The following FKBP10 variants were observed in gnomAD, a reference collection of about 807,000 sequenced individuals.
FKBP10 encodes the protein FKBP prolyl isomerase 10.
Under a neutral mutation model 53.7 loss-of-function variants are expected in FKBP10, and 34 were observed. That is an observed-to-expected ratio of 0.63 (90% confidence interval 0.48 to 0.84). FKBP10 has a LOEUF of 0.84. FKBP10 is among the 40% of genes least tolerant of loss of function. The probability of loss-of-function intolerance (pLI) is 0.00; values close to 1 mark genes in which losing one functional copy is unlikely to be tolerated. For synonymous variants in FKBP10, 324 were observed against 335.7 expected, an observed-to-expected ratio of 0.97 and a Z score of 0.38; for missense variants, 748 against 797.8, an observed-to-expected ratio of 0.94 and a Z score of 0.75.
chr17:41,813,077 C>A lies in FKBP10; in HGVS notation c.43C>A (p.Pro15Thr). The change falls in exon 1 of 10, where the codon CCC (proline) becomes ACC (threonine). Residue 15 changes from proline to threonine, a missense_variant. Pro to Thr is a conservative substitution (Grantham distance 38). Transcript: ENST00000321562. ...GPPSHSLLRL[P>T]LLQLLLLVVQ... ...CCCCAGCCACAGCCTCCTCCGGCTCCCCCTGCTGCAGTTGCTGCTACTGGT... is the reference window on the plus strand; with the variant it reads ...CCCCAGCCACAGCCTCCTCCGGCTCACCCTGCTGCAGTTGCTGCTACTGGT... The A allele has an allele frequency of 6.2e-7, 1 of 1,610,718 alleles. No homozygotes were observed. The highest frequency in any genetic ancestry group is 1.1e-5 in the South Asian group (1 of 91,010).
intron 4 of FKBP10, chr17:41,818,768 C>A: frequency 1.9e-6 from 1 of 519,100 alleles, no homozygotes; most frequent in East Asian, 3.7e-5. Context: ...GAGATCGAGA[C>A]CACGGTGAAA....
chr17:41,821,732 A>G lies in FKBP10; in HGVS notation c.1478A>G (p.Tyr493Cys). The G allele has an allele frequency of 6.2e-7, 1 of 1,614,066 alleles. No homozygotes were observed. The highest frequency in any genetic ancestry group is 1.1e-5 in the South Asian group (1 of 91,082). Reference sequence around the variant, plus strand: ...CGGGAGGATGGGCTGCCCACAGGCTACCTGTTTGTGTGGCACAAGGACCCT... The same window carrying G: ...CGGGAGGATGGGCTGCCCACAGGCTGCCTGTTTGTGTGGCACAAGGACCCT... ...VSREDGLPTG[Y>C]LFVWHKDPPA... Residue 493 changes from tyrosine to cysteine, a missense_variant, in exon 9 of 10, where the codon TAC becomes TGC. Transcript: ENST00000321562.
At chr17:41,821,954 C>T in intron 9 of FKBP10, 137 bp downstream of exon 9, 1 of 1,096,200 alleles carries the variant, frequency 9.1e-7, no homozygotes, top group Admixed American at 2.0e-5. Context: ...ACGCCTCAGG[C>T]TCCTTGTCCC....
At position 41,820,360 on chromosome 17, in the gene FKBP10, G is replaced by C. The variant is rs1555616829; in HGVS notation, c.1155G>C (p.Leu385=). Residue 385 remains leucine, a synonymous_variant, in exon 7 of 10, where the codon CTG becomes CTC. Transcript: ENST00000321562. ...CGGATGTGGTGGAAATCAGGACACT[G>C]TCCCGGCCATCTGAGACCTGCAATG... ...NPADVVEIRT[L]SRPSETCNET... 6.2e-7 allele frequency: 1 copy of C among 1,614,214 alleles called. No individual in the cohort carries two copies. The highest frequency in any genetic ancestry group is 8.5e-7 in the Non-Finnish European group (1 of 1,180,044).
At chr17:41,821,957 C>CT in intron 9 of FKBP10, 140 bp downstream of exon 9, 1 of 1,068,002 alleles carries the variant, frequency 9.4e-7, no homozygotes, top group Non-Finnish European at 1.4e-6. Context: ...CCTCAGGCTC[C>CT]TTGTCCCTGC....
At position 41,821,768 on chromosome 17, in the gene FKBP10, T is replaced by C. The variant is rs1555617175; in HGVS notation, c.1514T>C (p.Leu505Pro). The part of the protein sequence containing the change: ...FVWHKDPPAN[L>P]FEDMDLNKDG... Reference sequence around the variant, plus strand: ...TGGCACAAGGACCCTCCTGCCAACCTGTTTGAAGACATGGACCTCAACAAG... The same window carrying C: ...TGGCACAAGGACCCTCCTGCCAACCCGTTTGAAGACATGGACCTCAACAAG... The change falls in exon 9 of 10, where the codon CTG (leucine) becomes CCG (proline). Residue 505 changes from leucine to proline, a missense_variant. Leu to Pro is a moderately conservative substitution (Grantham distance 98, BLOSUM62 -3). Transcript: ENST00000321562. 1 of 1,614,110 alleles carries C rather than the reference T, an allele frequency of 6.2e-7. No individual in the cohort carries two copies. Among genetic ancestry groups the C allele is most frequent in the East Asian group, 2.2e-5 (1 of 44,868 alleles).
intron 1 of FKBP10, among the ~76,000 whole-genome samples, chr17:41,815,809 C>A (rs2047809028): frequency 6.6e-6 from 1 of 151,678 alleles, no homozygotes; most frequent in Admixed American, 6.6e-5. Flanking sequence ...AATCTCCCAT[C>A]CTCACTTTAC....
rs545186456 is a variant in FKBP10, at chr17:41,813,054, C to G, written c.20C>G (p.Pro7Arg). The change falls in exon 1 of 10, where the codon CCC becomes CGC. Residue 7 changes from proline (P) to arginine (R), a missense_variant. By Grantham distance (103) the Pro-to-Arg change is moderately radical. Transcript: ENST00000321562. ...GGCACCATGTTCCCCGCGGGCCCCC[C>G]CAGCCACAGCCTCCTCCGGCTCCCC... is the stretch of plus-strand genomic sequence containing the variant. MFPAGP[P>R]SHSLLRLPLL... 3.7e-6 allele frequency: 6 copies of G among 1,610,266 alleles called. No individual in the cohort carries two copies. In the South Asian group the frequency reaches 4.4e-5, roughly 12 times the overall value.
chr17:41,813,774 T>C (rs1555615781), intron 1 of FKBP10, among the ~76,000 whole-genome samples: 2 of 152,008 alleles, frequency 1.3e-5, no homozygotes, highest in African/African-American at 4.8e-5. Context: ...TTTCAGCGGC[T>C]GGTGGGCAGG....
In FKBP10 at chr17:41,822,551, C is replaced by T. The variant is rs2047906338; in HGVS notation, c.*143C>T. ...ACTAAAACAATGGCAGAGGAGACAT[C>T]TCTGGTGTTCCCACCACCCTAGATG... On this transcript the variant is annotated 3_prime_UTR_variant, in exon 10 of 10. Transcript: ENST00000321562. The T allele has an allele frequency of 2.3e-6, 2 of 886,860 alleles. No homozygotes were observed. The highest frequency in any genetic ancestry group is 3.6e-6 in the Non-Finnish European group (2 of 558,626). 54.9% of individuals were successfully genotyped at this position (886,860 alleles called of 1,614,324 possible).
In FKBP10 at chr17:41,813,006, C is replaced by G. The variant is rs781957411; in HGVS notation, c.-29C>G. The G allele has an allele frequency of 1.2e-6, 2 of 1,608,634 alleles. No individual in the cohort carries two copies. The highest frequency in any genetic ancestry group is 1.7e-6 in the Non-Finnish European group (2 of 1,179,272). ...TGGTGGCGACTCCCTCGCTCGCCCT[C>G]ACTGCCGGCGGTCCCAACTCCAGGC... On this transcript the variant is annotated 5_prime_UTR_variant, in exon 1 of 10. Coordinates refer to ENST00000321562, the MANE Select transcript of FKBP10 (RefSeq NM_021939.4).
chr17:41,815,035 A>C (rs2047796977), intron 1 of FKBP10, among the ~76,000 whole-genome samples: 1 of 152,210 alleles, frequency 6.6e-6, no homozygotes, highest in South Asian at 2.1e-4. Context: ...CTCCTGCCTC[A>C]GCCTCCCGAG....
rs1272810286 is a variant in FKBP10 at position 41,821,011 on chromosome 17, A to G, written c.1321A>G (p.Thr441Ala). The G allele has an allele frequency of 3.7e-6, 6 of 1,604,596 alleles. No homozygotes were observed. The highest frequency in any genetic ancestry group is 5.1e-6 in the Non-Finnish European group (6 of 1,175,904). ...GANKVIEGLD[T>A]GLQGMCVGER... is the part of the protein sequence containing the mutation. ...CAACAAGGTGATCGAAGGCCTGGAC[A>G]CGGGCCTGCAGGGCATGTGTGTGGG... is the stretch of plus-strand genomic sequence containing the variant. Residue 441 changes from threonine to alanine, a missense_variant, in exon 8 of 10, where the codon ACG (threonine) becomes GCG (alanine). Coordinates refer to ENST00000321562, the MANE Select transcript of FKBP10 (RefSeq NM_021939.4).
intron 4 of FKBP10, 45 bp downstream of exon 4, chr17:41,818,572 A>G (rs2047846317): frequency 1.2e-6 from 2 of 1,612,360 alleles, no homozygotes; most frequent in African/African-American, 2.7e-5. Context: ...CAGAAGAGGG[A>G]AAAACCAGGC....
At position 41,822,712 on chromosome 17, in the gene FKBP10, T is replaced by G; in HGVS notation, c.*304T>G. ...TAGGGCCATGGCTGGTCCCCCACCA[T>G]ACCTCCCCTCCACATCACTGACACA... is the stretch of plus-strand genomic sequence containing the variant. On this transcript the variant is annotated 3_prime_UTR_variant, in exon 10 of 10. Coordinates refer to ENST00000321562, the MANE Select transcript of FKBP10 (RefSeq NM_021939.4). 3 of 459,470 alleles carry G rather than the reference T, an allele frequency of 6.5e-6. No homozygotes were observed. The highest frequency in any genetic ancestry group is 4.3e-5 in the East Asian group (1 of 23,282). 28.5% of individuals were successfully genotyped at this position (459,470 alleles called of 1,614,324 possible). A position where few individuals can be genotyped will look rare whatever the true frequency, so the allele number is the denominator to read the frequency against.
In FKBP10 at chr17:41,822,228, C is replaced by A; in HGVS notation, c.1569C>A (p.Ser523=). ...CCGGCTCTCCCCTGCCCCAGTTCTC[C>A]ACCTTCATCAAGGCTCAAGTGAGTG... The part of the protein sequence containing the change: ...KDGEVPPEEF[S]TFIKAQVSEG... Residue 523 remains serine, a synonymous_variant, in exon 10 of 10, where the codon TCC becomes TCA. Transcript: ENST00000321562. 5 of 1,612,516 alleles carry A rather than the reference C, an allele frequency of 3.1e-6. No individual in the cohort carries two copies. The South Asian group carries it at 5.5e-5, about 18-fold the overall frequency.
At chr17:41,817,326 G>A (rs782339006) in intron 2 of FKBP10, 123 bp downstream of exon 2, 86 of 1,309,490 alleles carry the variant, frequency 6.6e-5, no homozygotes, top group Non-Finnish European at 8.7e-5. Context: ...CACTGTGCAC[G>A]CAGTATGAAG....
At chr17:41,821,923 C>A in intron 9 of FKBP10, 106 bp downstream of exon 9, 2 of 1,406,266 alleles carry the variant, frequency 1.4e-6, no homozygotes, top group Non-Finnish European at 2.0e-6. Flanking sequence ...CGCCCTGGTG[C>A]TCCTGCCTGC....
At position 41,819,219 on chromosome 17, in the gene FKBP10, TC is replaced by T. The variant is rs1555616552; in HGVS notation, c.743del (p.Pro248HisfsTer11). On this transcript the variant is annotated frameshift_variant, in exon 5 of 10. Transcript: ENST00000321562. LOFTEE classifies it high-confidence loss of function. The stretch of plus-strand genomic sequence containing the variant: ...CCTATCCCTTCCCCAGGGACAGTGA[TC>T]CCCCCACAGGCCTCGCTGGTCTTTC... Reference protein sequence around the residue: ...AYGEKGYGTVIPPQASLVFHV... With the variant: ...AYGEKGYGTVXPPQASLVFHV... 2.4e-5 allele frequency: 39 copies of T among 1,613,994 alleles called. No homozygotes were observed. Among genetic ancestry groups the T allele is most frequent in the Non-Finnish European group, 3.3e-5 (39 of 1,179,996 alleles).
Sources: allele counts gnomAD v4.1 joint callset (sites outside exome capture counted in the v4.1 genomes callset), GRCh38; gene constraint gnomAD v4.1.1; transcripts MANE v1.5; gene names NCBI Gene and HGNC (gene_info 2026-07-23, HGNC 2026-07-21).